Variants in NRG4 observed in about 807,000 individuals in gnomAD.
NRG4 encodes the protein pro-neuregulin-4, membrane-bound isoform.
A neutral mutation model predicts 15.0 loss-of-function variants in NRG4; 10 were observed. The observed-to-expected ratio is 0.67, with a 90% CI of 0.41 to 1.13. The LOEUF is 1.13. Ranked by LOEUF, NRG4 falls within the 50% of genes most tolerant of loss-of-function variation. NRG4 has a pLI of 0.00. For synonymous variants in NRG4, 41 were observed against 50.1 expected, an observed-to-expected ratio of 0.82 and a Z score of 0.77; for missense variants, 139 against 140.2, an observed-to-expected ratio of 0.99 and a Z score of 0.04.
At position 76,023,183 on chromosome 15, in the gene NRG4, C is replaced by CACACACACACAA. The variant is rs67858639; in HGVS notation, c.-56-11898_-56-11897insTTGTGTGTGTGT. On this transcript the variant is annotated intron_variant, in intron 5 of 8. Transcript: ENST00000563910. ...ACACACACACACACACACACACACA[C>CACACACACACAA]AAGCAAGGACCAAGGCAATGAATAA... is the stretch of plus-strand genomic sequence containing the variant. Among the ~76,000 whole-genome samples the CACACACACACAA allele has an allele frequency of 3.6e-3, 406 of 112,436 alleles. 1 individual carries two copies. Among genetic ancestry groups the CACACACACACAA allele is most frequent in the Non-Finnish European group, 5.8e-3 (286 of 49,424 alleles). The allele number at this position is 112,436 out of a possible 152,430, so 73.8% of individuals were successfully genotyped here. A position where few individuals can be genotyped will look rare whatever the true frequency, so the allele number is the denominator to read the frequency against.
At chr15:75,943,916 C>T (rs2031264307) in intron 5 of NRG4, among the ~76,000 whole-genome samples, 1 of 152,064 alleles carries the variant, frequency 6.6e-6, no homozygotes, top group Non-Finnish European at 1.5e-5. Context: ...CACCCCCCGC[C>T]CCTCACTGTC....
At chr15:76,022,053 T>C (rs2035171248) in intron 5 of NRG4, among the ~76,000 whole-genome samples, 1 of 152,168 alleles carries the variant, frequency 6.6e-6, no homozygotes, top group Admixed American at 6.5e-5. Flanking sequence ...CGACCGCTGA[T>C]TTGATAGGAG....
intron 3 of NRG4, among the ~76,000 whole-genome samples, chr15:75,992,478 T>C (rs1024122250): frequency 2.0e-5 from 3 of 152,178 alleles, no homozygotes; most frequent in Non-Finnish European, 4.4e-5. Context: ...AACAGCCTTA[T>C]TGAGATTTAT....
At chr15:76,053,105 A>C (rs2036065496) in intron 2 of NRG4, 1 of 151,122 alleles carries the variant, frequency 6.6e-6, no homozygotes, top group South Asian at 2.1e-4. Context: ...AGTCTCTCTA[A>C]ATTAGAGACT....
intron 4 of NRG4, among the ~76,000 whole-genome samples, chr15:76,043,170 T>A (rs1010865025): frequency 3.3e-5 from 5 of 152,262 alleles, no homozygotes; most frequent in Middle Eastern, 3.4e-3. Flanking sequence ...AAAAGCTATA[T>A]ATGACAGACC....
At chr15:76,009,334 A>T (rs1485635450) in intron 2 of NRG4, 41 bp from the exon 3 acceptor site, 5 of 918,196 alleles carry the variant, frequency 5.4e-6, no homozygotes, top group Non-Finnish European at 8.1e-6. Flanking sequence ...AAGCAAATTA[A>T]AGTTTTCCTA....
At chr15:75,997,380 C>T (rs2034253929) in intron 3 of NRG4, among the ~76,000 whole-genome samples, 1 of 151,710 alleles carries the variant, frequency 6.6e-6, no homozygotes, top group Non-Finnish European at 1.5e-5. Context: ...TTGAAATTTC[C>T]AAATCCTTTT....
At chr15:75,944,747 A>G (rs1446196957) in intron 5 of NRG4, among the ~76,000 whole-genome samples, 2 of 76,308 alleles carry the variant, frequency 2.6e-5, no homozygotes, top group African/African-American at 3.8e-5. Context: ...ACATTTAGTA[A>G]AAGGCTTTTG....
intron 4 of NRG4, among the ~76,000 whole-genome samples, chr15:76,042,961 ACC>A (rs1218217813): frequency 6.6e-6 from 1 of 152,206 alleles, no homozygotes; most frequent in East Asian, 1.9e-4. Flanking sequence ...ATTTGTCATG[ACC>A]AAGTGAGATT....
chr15:75,983,851 CAT>C (rs1192587639), intron 3 of NRG4, among the ~76,000 whole-genome samples: 1 of 151,984 alleles, frequency 6.6e-6, no homozygotes, highest in African/African-American at 2.4e-5. Context: ...ACTTTATAAA[CAT>C]ATAAATTCTA....
chr15:75,943,525 A>C lies in NRG4; in HGVS notation c.*113T>G. The stretch of plus-strand genomic sequence containing the variant: ...TTATGGTTCATGATACGAGTTACAC[A>C]AGCGTTTTATTTAAGAAATAAAGGA... On this transcript the variant is annotated 3_prime_UTR_variant, in exon 6 of 6. Coordinates refer to ENST00000394907, the MANE Select transcript of NRG4 (RefSeq NM_138573.4). The C allele has an allele frequency of 1.4e-6, 1 of 703,530 alleles. No individual in the cohort carries two copies. The allele number at this position is 703,530 out of a possible 1,614,324, so 43.6% of individuals were successfully genotyped here.
At chr15:75,953,690 G>A (rs2141791729) in intron 5 of NRG4, among the ~76,000 whole-genome samples, 1 of 152,226 alleles carries the variant, frequency 6.6e-6, no homozygotes, top group African/African-American at 2.4e-5. Flanking sequence ...CTGGTTCTGA[G>A]CAATTTGATT....
chr15:76,059,933 G>T (rs1366043857), upstream of NRG4: 1 of 147,864 alleles, frequency 6.8e-6, no homozygotes, highest in Non-Finnish European at 1.5e-5. Context: ...CGAGGGGGCG[G>T]GGGGGCGGAG....
intron 5 of NRG4, among the ~76,000 whole-genome samples, chr15:75,954,708 A>C (rs2032129219): frequency 6.6e-6 from 1 of 151,970 alleles, no homozygotes; most frequent in African/African-American, 2.4e-5. Flanking sequence ...TACAGGTATG[A>C]GCCACCATGC....
At chr15:76,017,154 CCTTTTT>C (rs1344921968), upstream of NRG4, among the ~76,000 whole-genome samples, 2 of 65,868 alleles carry the variant, frequency 3.0e-5, no homozygotes, top group African/African-American at 1.1e-4. Flanking sequence ...GCAACCCCTG[CCTTTTT>C]TTTTTTTTTT....
intron 4 of NRG4, among the ~76,000 whole-genome samples, chr15:75,960,096 G>C (rs898467066): frequency 6.6e-6 from 1 of 152,162 alleles, no homozygotes; most frequent in Admixed American, 6.5e-5. Flanking sequence ...GCCAAACTTA[G>C]ACTATCCTGA....
intron 5 of NRG4, among the ~76,000 whole-genome samples, chr15:76,028,903 CAAAAAAAAAAA>C (rs34533266): frequency 5.5e-5 from 3 of 54,300 alleles, no homozygotes; most frequent in East Asian, 5.9e-4. Flanking sequence ...ACTCCTCCTC[CAAAAAAAAAAA>C]AAAAAAAAAA....
chr15:76,053,645 C>T (rs1451210764), intron 2 of NRG4, among the ~76,000 whole-genome samples: 1 of 150,736 alleles, frequency 6.6e-6, no homozygotes, highest in African/African-American at 2.5e-5. Context: ...CAACCTCCGC[C>T]TCCTGGTTCA....
At position 75,976,718 on chromosome 15, in the gene NRG4, G is replaced by C. The variant is rs184477867; in HGVS notation, c.105-14744C>G. Among the ~76,000 whole-genome samples, 6 of 152,268 alleles carry C rather than the reference G, an allele frequency of 3.9e-5. No homozygotes were observed. The East Asian group carries it at 1.2e-3, about 29-fold the overall frequency. On this transcript the variant is annotated intron_variant, in intron 3 of 5. Transcript: ENST00000394907. ...CCTCCGGAAGCTTCATCCTAGAGGG[G>C]TACCCGCCAGATGCCAGCCAGAGGT...
Sources: allele counts gnomAD v4.1 joint callset (sites outside exome capture counted in the v4.1 genomes callset), GRCh38; gene constraint gnomAD v4.1.1; transcripts MANE v1.5; gene names NCBI Gene and HGNC (gene_info 2026-07-23, HGNC 2026-07-21).